Variants in PAK5 observed in about 807,000 individuals in gnomAD.
PAK5 encodes serine/threonine-protein kinase PAK 5.
Under a neutral mutation model 65.9 loss-of-function variants are expected in PAK5, and 16 were observed. The observed-to-expected ratio is 0.24, with a 90% CI of 0.16 to 0.37. PAK5 has a LOEUF of 0.37. Among genes scored for constraint, PAK5 ranks in the 10% least tolerant of loss-of-function variants. PAK5 has a pLI of 1.00. For missense variants in PAK5, 785 were observed against 903.9 expected (o/e 0.87, Z 1.69); for synonymous variants, 371 against 354.9 (o/e 1.05, Z -0.51).
intron 1 of PAK5, among the ~76,000 whole-genome samples, chr20:9,733,815 G>A (rs1033837901): frequency 6.6e-6 from 1 of 152,114 alleles, no homozygotes; most frequent in African/African-American, 2.4e-5. Context: ...TTGAAAGACT[G>A]GCAAGAATTC....
chr20:9,618,149 A>T (rs1288245959), intron 3 of PAK5, among the ~76,000 whole-genome samples: 2 of 152,194 alleles, frequency 1.3e-5, no homozygotes, highest in Non-Finnish European at 2.9e-5. Flanking sequence ...AGCATACTCC[A>T]AGGAACATAC....
intron 2 of PAK5, among the ~76,000 whole-genome samples, chr20:9,657,451 T>A (rs2047283593): frequency 6.6e-6 from 1 of 152,228 alleles, no homozygotes; most frequent in Non-Finnish European, 1.5e-5. Flanking sequence ...AAAGCTGGTA[T>A]GAATAATACT....
chr20:9,777,323 T>C (rs1477159914), intron 1 of PAK5, among the ~76,000 whole-genome samples: 7 of 152,254 alleles, frequency 4.6e-5, no homozygotes, highest in Middle Eastern at 3.4e-3. Flanking sequence ...TCCCCACATG[T>C]TGTGGGAAGA....
At chr20:9,638,945 T>C (rs1313523284) in intron 3 of PAK5, among the ~76,000 whole-genome samples, 3 of 152,190 alleles carry the variant, frequency 2.0e-5, no homozygotes, top group Non-Finnish European at 2.9e-5. Flanking sequence ...TCATGATCTC[T>C]TTTCTCATTT....
chr20:9,662,852 C>T (rs1482998258), intron 2 of PAK5, among the ~76,000 whole-genome samples: 2 of 152,226 alleles, frequency 1.3e-5, no homozygotes, highest in East Asian at 3.9e-4. Context: ...AGCTAAGTAT[C>T]AGAATGAAAT....
chr20:9,629,180 T>G (rs1325350387), intron 3 of PAK5, among the ~76,000 whole-genome samples: 1 of 152,182 alleles, frequency 6.6e-6, no homozygotes, highest in Non-Finnish European at 1.5e-5. Flanking sequence ...CTCTGAGACC[T>G]GAGGAGTCAG....
In PAK5 at chr20:9,566,200, G is replaced by A. The variant is rs2045675902; in HGVS notation, c.1175C>T (p.Ser392Leu). The change falls in exon 5 of 10, where the codon TCG becomes TTG. Residue 392 changes from serine (S) to leucine (L), a missense_variant. Physicochemically the swap from Ser to Leu is moderately radical, Grantham distance 145. Transcript: ENST00000353224. ...LYHHPSLQSSSQYISTASYLS... is the reference protein window; with the variant it reads ...LYHHPSLQSSLQYISTASYLS... Reference sequence around the variant, plus strand: ...GTAGGAAGCCGTGGAGATGTACTGCGAACTGCTCTGCAGGGAGGGGTGATG... The same window carrying A: ...GTAGGAAGCCGTGGAGATGTACTGCAAACTGCTCTGCAGGGAGGGGTGATG... 6.2e-7 allele frequency: 1 copy of A among 1,613,884 alleles called. No individual in the cohort carries two copies.
chr20:9,587,841 TAAG>T (rs1452340674), intron 3 of PAK5, among the ~76,000 whole-genome samples: 1 of 152,164 alleles, frequency 6.6e-6, no homozygotes, highest in African/African-American at 2.4e-5. Context: ...CTTTTCTGTA[TAAG>T]AAGAGTCAGC....
intron 2 of PAK5, among the ~76,000 whole-genome samples, chr20:9,706,539 T>G (rs2048010244): frequency 6.6e-6 from 1 of 151,352 alleles, no homozygotes; most frequent in African/African-American, 2.4e-5. Flanking sequence ...AGTGCAGCAG[T>G]GCAATCCTGG....
intron 3 of PAK5, among the ~76,000 whole-genome samples, chr20:9,586,474 T>G (rs1414369001): frequency 6.6e-6 from 1 of 152,204 alleles, no homozygotes; most frequent in Non-Finnish European, 1.5e-5. Flanking sequence ...CTATTTATCC[T>G]AAAATATCTA....
chr20:9,723,002 G>C (rs1490457527), intron 1 of PAK5, among the ~76,000 whole-genome samples: 1 of 152,116 alleles, frequency 6.6e-6, no homozygotes, highest in Non-Finnish European at 1.5e-5. Context: ...AAAGTGCTGG[G>C]ATTACAGGTG....
intron 1 of PAK5, among the ~76,000 whole-genome samples, chr20:9,815,234 A>G (rs1285122752): frequency 3.9e-5 from 6 of 152,208 alleles, no homozygotes; most frequent in Admixed American, 3.3e-4. Context: ...AAATTTCAAC[A>G]AGAGACTTGG....
chr20:9,672,524 G>A (rs1416954176), intron 2 of PAK5, among the ~76,000 whole-genome samples: 2 of 151,604 alleles, frequency 1.3e-5, no homozygotes, highest in African/African-American at 4.9e-5. Flanking sequence ...TTTTATAAAG[G>A]GGAGTTCCCC....
intron 1 of PAK5, among the ~76,000 whole-genome samples, chr20:9,757,727 T>A (rs2048651327): frequency 6.6e-6 from 1 of 152,180 alleles, no homozygotes; most frequent in South Asian, 2.1e-4. Context: ...ATATTCTAGG[T>A]CTTCCAAGAA....
intron 1 of PAK5, among the ~76,000 whole-genome samples, chr20:9,770,125 G>C (rs1221598947): frequency 6.6e-6 from 1 of 152,144 alleles, no homozygotes; most frequent in African/African-American, 2.4e-5. Flanking sequence ...AGGGGGAAGA[G>C]TTGCCAGAGT....
At chr20:9,739,259 C>T (rs777041551) in intron 1 of PAK5, among the ~76,000 whole-genome samples, 1 of 146,686 alleles carries the variant, frequency 6.8e-6, no homozygotes, top group Non-Finnish European at 1.5e-5. Flanking sequence ...CAGCTTGAAA[C>T]CATTTTCTAA....
At chr20:9,660,339 C>T (rs1048160388) in intron 2 of PAK5, among the ~76,000 whole-genome samples, 4 of 106,648 alleles carry the variant, frequency 3.8e-5, no homozygotes, top group African/African-American at 1.1e-4. Flanking sequence ...TTAATTTTCT[C>T]TCCTTTCTCT....
intron 1 of PAK5, among the ~76,000 whole-genome samples, chr20:9,769,111 C>G (rs1183170518): frequency 6.6e-6 from 1 of 152,160 alleles, no homozygotes; most frequent in African/African-American, 2.4e-5. Context: ...TTCTAACTTA[C>G]TAGGCCGAAC....
At chr20:9,812,928 C>A (rs1338914828) in intron 1 of PAK5, among the ~76,000 whole-genome samples, 1 of 151,890 alleles carries the variant, frequency 6.6e-6, no homozygotes, top group Non-Finnish European at 1.5e-5. Context: ...AAGTACCCCA[C>A]AAATATGTAC....
Sources: allele counts gnomAD v4.1 joint callset (sites outside exome capture counted in the v4.1 genomes callset), GRCh38; gene constraint gnomAD v4.1.1; transcripts MANE v1.5; gene names NCBI Gene and HGNC (gene_info 2026-07-23, HGNC 2026-07-21).